Variants in FBXL17 observed in about 807,000 individuals in gnomAD.
FBXL17 encodes F-box/LRR-repeat protein 17.
Under a neutral mutation model 66.2 loss-of-function variants are expected in FBXL17, and 22 were observed. The ratio of observed to expected loss-of-function variants is 0.33; its 90% confidence interval spans 0.24 to 0.47. FBXL17 has a LOEUF of 0.47. FBXL17 is among the 20% of genes least tolerant of loss of function. The pLI, the probability that FBXL17 is intolerant of heterozygous loss-of-function variation, is 1.00. For missense variants in FBXL17, 878 were observed against 948.2 expected, an observed-to-expected ratio of 0.93 and a Z score of 0.97; for synonymous variants, 474 against 400.5, an observed-to-expected ratio of 1.18 and a Z score of -2.19.
At chr5:108,293,349 T>C (rs1188652631) in intron 4 of FBXL17, among the ~76,000 whole-genome samples, 2 of 152,164 alleles carry the variant, frequency 1.3e-5, no homozygotes, top group Non-Finnish European at 2.9e-5. Context: ...CTTTCACATC[T>C]AAAACAAAGT....
chr5:108,326,517 C>A (rs1403332758), intron 4 of FBXL17, among the ~76,000 whole-genome samples: 1 of 151,860 alleles, frequency 6.6e-6, no homozygotes, highest in South Asian at 2.1e-4. Context: ...GCAGGAGAAT[C>A]GCTTAAACTC....
At position 108,350,178 on chromosome 5, in the gene FBXL17, T is replaced by C. The variant is rs74352454; in HGVS notation, c.1375-1648A>G. On this transcript the variant is annotated intron_variant, in intron 3 of 8. Transcript: ENST00000542267. Reference sequence around the variant, plus strand: ...ACAGGCTCACATATATGTCTGGCAGTGAGGCTGAGGTTGGGGCTAAAAATA... The same window carrying C: ...ACAGGCTCACATATATGTCTGGCAGCGAGGCTGAGGTTGGGGCTAAAAATA... Among the ~76,000 whole-genome samples the C allele has an allele frequency of 3.3e-5, 5 of 152,314 alleles. No individual in the cohort carries two copies. The East Asian group carries it at 9.6e-4, about 29-fold the overall frequency.
At chr5:108,171,772 G>A (rs1476648716) in intron 6 of FBXL17, among the ~76,000 whole-genome samples, 2 of 152,106 alleles carry the variant, frequency 1.3e-5, no homozygotes, top group African/African-American at 4.8e-5. Flanking sequence ...ATATGGTTTG[G>A]CTGTGTCCTC....
At chr5:108,353,679 G>A (rs542331693) in intron 3 of FBXL17, among the ~76,000 whole-genome samples, 4 of 152,196 alleles carry the variant, frequency 2.6e-5, no homozygotes, top group South Asian at 2.1e-4. Flanking sequence ...TTGAACTCCA[G>A]CCAGTTCTAG....
chr5:108,051,096 A>G (rs1168005709), intron 6 of FBXL17, among the ~76,000 whole-genome samples: 1 of 152,222 alleles, frequency 6.6e-6, no homozygotes, highest in African/African-American at 2.4e-5. Flanking sequence ...AGTGATTAAT[A>G]GCCTACCAAC....
intron 4 of FBXL17, among the ~76,000 whole-genome samples, chr5:108,241,953 C>G (rs989433632): frequency 1.3e-5 from 2 of 152,040 alleles, no homozygotes; most frequent in Non-Finnish European, 2.9e-5. Flanking sequence ...GGAATAAAGA[C>G]TTTCCCAGAC....
chr5:107,883,980 C>CAA (rs1561517139), intron 7 of FBXL17, among the ~76,000 whole-genome samples: 2 of 152,054 alleles, frequency 1.3e-5, no homozygotes, highest in Admixed American at 6.5e-5. Flanking sequence ...ACAAGTGAGC[C>CAA]GCAGGTATTC....
At position 108,252,815 on chromosome 5, in the gene FBXL17, G is replaced by C. The variant is rs147859847; in HGVS notation, c.1507-28587C>G. On this transcript the variant is annotated intron_variant, in intron 4 of 8. Coordinates refer to ENST00000542267, the MANE Select transcript of FBXL17 (RefSeq NM_001163315.3). ...AAACATTATTTCACCCCAAAGCTGG[G>C]TAAAAGGTACTGCTGCCATTCCTTA... 1.6e-3 allele frequency among the ~76,000 whole-genome samples: 249 copies of C among 152,264 alleles called. 1 individual carries two copies. The highest frequency in any genetic ancestry group is 5.5e-3 in the African/African-American group (230 of 41,570).
intron 8 of FBXL17, 146 bp from the exon 9 acceptor site, chr5:107,862,006 G>A (rs946386628): frequency 2.6e-6 from 2 of 775,296 alleles, no homozygotes; most frequent in Non-Finnish European, 3.6e-6. Flanking sequence ...AGGGTTTTGT[G>A]AGGAGATATG....
At chr5:108,333,614 A>G (rs1760237767) in intron 4 of FBXL17, among the ~76,000 whole-genome samples, 2 of 152,140 alleles carry the variant, frequency 1.3e-5, no homozygotes. Flanking sequence ...AAAACAATAT[A>G]ACTGAAATTT....
intron 7 of FBXL17, among the ~76,000 whole-genome samples, chr5:107,975,616 A>G (rs1267147232): frequency 6.7e-6 from 1 of 149,112 alleles, no homozygotes; most frequent in Non-Finnish European, 1.5e-5. Context: ...TAAATGTATC[A>G]TTGTCTGGGA....
chr5:108,307,134 G>A (rs961005396), intron 4 of FBXL17, among the ~76,000 whole-genome samples: 5 of 151,980 alleles, frequency 3.3e-5, no homozygotes, highest in African/African-American at 1.2e-4. Flanking sequence ...TATTTATGGT[G>A]ATGAATGTGA....
intron 6 of FBXL17, among the ~76,000 whole-genome samples, chr5:108,098,732 G>A (rs192769845): frequency 5.1e-4 from 63 of 122,384 alleles, no homozygotes; most frequent in African/African-American, 2.0e-3. Flanking sequence ...GCAACAGAGC[G>A]ACACTCTGTC....
chr5:107,970,736 T>G (rs765731617), intron 7 of FBXL17, among the ~76,000 whole-genome samples: 4 of 152,108 alleles, frequency 2.6e-5, no homozygotes, highest in African/African-American at 7.2e-5. Flanking sequence ...CTGCTGCCCT[T>G]GTTACCACAC....
At chr5:108,272,614 A>G (rs1476972543) in intron 4 of FBXL17, among the ~76,000 whole-genome samples, 1 of 152,244 alleles carries the variant, frequency 6.6e-6, no homozygotes, top group African/African-American at 2.4e-5. Flanking sequence ...TCGGTCTCCC[A>G]AAGTGCTGGG....
chr5:108,227,604 G>T (rs1755154452), intron 4 of FBXL17, among the ~76,000 whole-genome samples: 1 of 152,136 alleles, frequency 6.6e-6, no homozygotes, highest in Admixed American at 6.5e-5. Context: ...TACCTATGCT[G>T]AACAGATATT....
intron 5 of FBXL17, among the ~76,000 whole-genome samples, chr5:108,200,052 G>A (rs1753827055): frequency 6.6e-6 from 1 of 152,030 alleles, no homozygotes; most frequent in Admixed American, 6.6e-5. Flanking sequence ...GACACAAAAG[G>A]AAGAGTCAGT....
intron 4 of FBXL17, among the ~76,000 whole-genome samples, chr5:108,227,591 C>T (rs1223821826): frequency 2.0e-5 from 3 of 152,158 alleles, no homozygotes; most frequent in East Asian, 3.9e-4. Flanking sequence ...TTTGTATCTT[C>T]CTTACCTATG....
intron 6 of FBXL17, 61 bp downstream of exon 6, chr5:108,186,056 A>G (rs1753217769): frequency 1.5e-6 from 2 of 1,324,792 alleles, no homozygotes; most frequent in Admixed American, 1.9e-5. Context: ...TTGTTATAAT[A>G]ATTAATATTT....
Sources: gnomAD v4.1 joint callset for allele counts (sites outside exome capture counted in the v4.1 genomes callset) on GRCh38, gnomAD v4.1.1 for gene constraint, MANE v1.5 for transcripts, NCBI Gene and HGNC (gene_info 2026-07-23, HGNC 2026-07-21) for gene names.